The following SPG7 variants were observed in gnomAD, a reference collection of about 807,000 sequenced individuals.
SPG7 encodes the protein SPG7 matrix AAA peptidase subunit, paraplegin.
In SPG7, 103 loss-of-function variants were observed where a neutral mutation model predicts 81.9. The ratio of observed to expected loss-of-function variants is 1.26; its 90% CI spans 1.07 to 1.48. The LOEUF is 1.48. SPG7 is among the 40% of genes most tolerant of loss of function. The probability of loss-of-function intolerance (pLI) is 0.00; values close to 1 mark genes in which losing one functional copy is unlikely to be tolerated. For missense variants in SPG7, 1,241 were observed against 1,087.3 expected, an observed-to-expected ratio of 1.14 and a Z score of -1.99; for synonymous variants, 534 against 444.2, an observed-to-expected ratio of 1.20 and a Z score of -2.54.
chr16:89,528,450 C>T (rs2152401434), intron 5 of SPG7, among the ~76,000 whole-genome samples: 1 of 151,350 alleles, frequency 6.6e-6, no homozygotes, highest in South Asian at 2.1e-4. Flanking sequence ...ATTCTCATGT[C>T]TTCGTAGGCC....
chr16:89,533,023 T>A, intron 9 of SPG7: 1 of 229,810 alleles, frequency 4.4e-6, no homozygotes, highest in Non-Finnish European at 8.2e-6. Context: ...TGAGCCAAGA[T>A]CTCACCATTG....
At chr16:89,544,252 A>C in intron 9 of SPG7, 1 of 305,782 alleles carries the variant, frequency 3.3e-6, no homozygotes, top group Non-Finnish European at 6.4e-6. Context: ...AAATGTTTCC[A>C]AGTCACAGCC....
intron 3 of SPG7, chr16:89,519,945 T>A (rs191583117): frequency 2.0e-5 from 3 of 152,376 alleles, no homozygotes; most frequent in Admixed American, 2.0e-4. Flanking sequence ...TCATAATATC[T>A]AATTGTCAAC....
chr16:89,537,729 A>G (rs1277891479), intron 9 of SPG7: 3 of 985,278 alleles, frequency 3.0e-6, no homozygotes, highest in Non-Finnish European at 3.6e-6. Context: ...TGAGCTTGGC[A>G]GTGCTTGCCG....
Position 89,554,610 on chromosome 16 carries a change from A to C in SPG7, c.2181+47A>C, listed in dbSNP as rs763494997. On this transcript the variant is annotated intron_variant, in intron 16 of 16. Transcript: ENST00000645818. ...GGGGCTACGGCGTCACACAGTGTCC[A>C]CACAGCACCCACGGTCCCCACCCCT... The C allele has an allele frequency of 1.0e-4, 133 of 1,332,274 alleles. No homozygotes were observed. In the South Asian group the frequency reaches 1.5e-3, roughly 15 times the overall value. 82.5% of individuals were successfully genotyped at this position (1,332,274 alleles called of 1,614,324 possible).
intron 4 of SPG7, among the ~76,000 whole-genome samples, chr16:89,524,494 A>G (rs2058235888): frequency 6.6e-6 from 1 of 152,208 alleles, no homozygotes; most frequent in South Asian, 2.1e-4. Context: ...GCCAGGCTGA[A>G]GCGCAGTGAT....
intron 9 of SPG7, chr16:89,536,997 A>G (rs1263340344): frequency 1.9e-6 from 3 of 1,613,336 alleles, no homozygotes; most frequent in African/African-American, 1.3e-5. Context: ...CTGTGCCATC[A>G]TAAGAATAGC....
intron 3 of SPG7, chr16:89,518,397 T>C (rs2058131977): frequency 6.6e-6 from 1 of 152,180 alleles, no homozygotes; most frequent in Non-Finnish European, 1.5e-5. Flanking sequence ...CACTCACTGA[T>C]AACACGAATG....
At chr16:89,531,705 G>C (rs1048502582) in intron 7 of SPG7, 199 bp from the exon 8 acceptor site, 1 of 606,218 alleles carries the variant, frequency 1.6e-6, no homozygotes, top group Non-Finnish European at 2.9e-6. Flanking sequence ...GCTGGGCGTG[G>C]TGCCACATGC....
chr16:89,544,864 T>C, intron 10 of SPG7, 92 bp downstream of exon 10: 1 of 1,496,750 alleles, frequency 6.7e-7, no homozygotes, highest in Admixed American at 1.7e-5. Flanking sequence ...CACTTCTTGG[T>C]GTGAAGCCTG....
chr16:89,534,040 C>G (rs777049497), intron 9 of SPG7, among the ~76,000 whole-genome samples: 10 of 152,186 alleles, frequency 6.6e-5, no homozygotes, highest in Admixed American at 6.5e-5. Context: ...CATAGATTTA[C>G]CATTTTAATC....
chr16:89,510,710 A>T (rs2058008718), intron 2 of SPG7, 118 bp downstream of exon 2: 1 of 716,482 alleles, frequency 1.4e-6, no homozygotes, highest in Admixed American at 2.0e-5. Flanking sequence ...CACGGGCTGG[A>T]GTGCAGTACA....
intron 7 of SPG7, 92 bp downstream of exon 7, chr16:89,530,900 G>T: frequency 5.7e-6 from 9 of 1,569,598 alleles, no homozygotes; most frequent in Non-Finnish European, 7.9e-6. Context: ...GAATTCCATC[G>T]ATGACGTGTC....
chr16:89,546,997 G>T (rs988237920), intron 11 of SPG7: 2 of 520,842 alleles, frequency 3.8e-6, no homozygotes, highest in Non-Finnish European at 7.1e-6. Context: ...TTCCCGGTCT[G>T]TGTTGTTTCC....
chr16:89,516,141 C>T (rs928229556), intron 3 of SPG7, among the ~76,000 whole-genome samples: 8 of 152,100 alleles, frequency 5.3e-5, no homozygotes, highest in Non-Finnish European at 2.9e-5. Context: ...GCATGCAACA[C>T]CAAGCCCAGC....
In SPG7 at chr16:89,553,053, C is replaced by T; in HGVS notation, c.1854C>T (p.Thr618=). Residue 618 remains threonine, a synonymous_variant, in exon 14 of 17, where the codon ACC becomes ACT. Transcript: ENST00000645818. ...QMLPRDQHLF[T]KEQLFERMCM... ...TCCCCAGAGACCAGCACCTCTTCAC[C>T]AAGGAGCAGCTGTTTGAGCGGATGT... 2 of 1,614,028 alleles carry T rather than the reference C, an allele frequency of 1.2e-6. No homozygotes were observed. Among genetic ancestry groups the T allele is most frequent in the South Asian group, 2.2e-5 (2 of 91,064 alleles).
At chr16:89,518,822 C>T (rs1307679612) in intron 3 of SPG7, 1 of 152,134 alleles carries the variant, frequency 6.6e-6, no homozygotes, top group Non-Finnish European at 1.5e-5. Flanking sequence ...TGGATTGCCT[C>T]AGCTGCGGTG....
intron 15 of SPG7, 33 bp from the exon 16 acceptor site, chr16:89,554,453 C>G: frequency 6.6e-7 from 1 of 1,523,492 alleles, no homozygotes; most frequent in Non-Finnish European, 9.0e-7. Flanking sequence ...AGGCGGCCAG[C>G]CTTGCCCCTG....
At position 89,546,611 on chromosome 16, in the gene SPG7, G is replaced by A. The variant is rs199791939; in HGVS notation, c.1450-47G>A. The A allele has an allele frequency of 1.6e-4, 215 of 1,320,636 alleles. No individual in the cohort carries two copies. In the African/African-American group the frequency reaches 2.8e-3, roughly 17 times the overall value. The allele number at this position is 1,320,636 out of a possible 1,614,324, so 81.8% of individuals were successfully genotyped here. ...AGACAAACATGCCGCACCTGTGGCAGTAACTAGGCTTGAGCCCGACTGTCT... is the reference window on the plus strand; with the variant it reads ...AGACAAACATGCCGCACCTGTGGCAATAACTAGGCTTGAGCCCGACTGTCT... On this transcript the variant is annotated intron_variant, in intron 10 of 16. Coordinates refer to ENST00000645818, the MANE Select transcript of SPG7 (RefSeq NM_003119.4).
Sources: allele counts gnomAD v4.1 joint callset (sites outside exome capture counted in the v4.1 genomes callset), GRCh38; gene constraint gnomAD v4.1.1; transcripts MANE v1.5; gene names NCBI Gene and HGNC (gene_info 2026-07-23, HGNC 2026-07-21).